PCCA: variants seen among roughly 807,000 people sequenced by gnomAD.
PCCA encodes the protein propionyl-CoA carboxylase alpha chain, mitochondrial.
A neutral mutation model predicts 101.3 loss-of-function variants in PCCA; 74 were observed. That is an observed-to-expected ratio of 0.73 (90% confidence interval 0.61 to 0.89). PCCA has a LOEUF of 0.89. PCCA is among the 40% of genes least tolerant of loss of function. The pLI is 0.00. For synonymous variants in PCCA, 294 were observed against 313.6 expected, an observed-to-expected ratio of 0.94 and a Z score of 0.66; for missense variants, 891 against 907.0, an observed-to-expected ratio of 0.98 and a Z score of 0.23.
rs547209141 is a variant in PCCA, at chr13:100,089,129, G to C, written c.9G>C (p.Gly3=). The C allele has an allele frequency of 1.1e-5, 16 of 1,509,222 alleles. No individual in the cohort carries two copies. In the South Asian group the frequency reaches 1.9e-4, roughly 18 times the overall value. 93.5% of individuals were successfully genotyped at this position (1,509,222 alleles called of 1,614,324 possible). A position where few individuals can be genotyped will look rare whatever the true frequency, so the allele number is the denominator to read the frequency against. MA[G]FWVGTAPLVA... is the part of the protein sequence containing the mutation. ...GGTCTGCGGGGACAACAATGGCGGG[G>C]TTCTGGGTCGGGACAGCACCGCTGG... Residue 3 remains glycine, a synonymous_variant, in exon 1 of 24, where the codon GGG becomes GGC. Transcript: ENST00000376285.
chr13:100,199,184 G>T (rs908078365), intron 6 of PCCA, among the ~76,000 whole-genome samples: 8 of 151,794 alleles, frequency 5.3e-5, no homozygotes, highest in Non-Finnish European at 1.2e-4. Context: ...AGGTCCAGAC[G>T]CAGATGTTTA....
intron 6 of PCCA, among the ~76,000 whole-genome samples, chr13:100,180,736 G>A (rs141733005): frequency 1.7e-3 from 266 of 152,300 alleles, no homozygotes; most frequent in African/African-American, 6.0e-3. Context: ...GTGAGGTTAC[G>A]TTGCACAAAT....
At chr13:100,202,407 A>G (rs1033172016) in intron 6 of PCCA, among the ~76,000 whole-genome samples, 9 of 149,406 alleles carry the variant, frequency 6.0e-5, no homozygotes, top group Admixed American at 2.0e-4. Flanking sequence ...TTATTATTCC[A>G]TTTTCTTTTG....
chr13:100,219,841 T>C (rs1379203967), intron 7 of PCCA, among the ~76,000 whole-genome samples: 1 of 152,236 alleles, frequency 6.6e-6, no homozygotes, highest in African/African-American at 2.4e-5. Flanking sequence ...TCTGCAGGTT[T>C]CTTTATCAAA....
chr13:100,234,566 A>T (rs754344273), intron 7 of PCCA, among the ~76,000 whole-genome samples: 19 of 151,986 alleles, frequency 1.3e-4, no homozygotes, highest in Non-Finnish European at 2.4e-4. Context: ...CTGGCTAATG[A>T]AAGGAAATTA....
chr13:100,447,248 G>T (rs1696710001), intron 20 of PCCA, among the ~76,000 whole-genome samples: 1 of 151,642 alleles, frequency 6.6e-6, no homozygotes, highest in South Asian at 2.1e-4. Flanking sequence ...GCCGGGCATG[G>T]TGGGAGATGC....
At chr13:100,298,728 TTCCTTCCTTCCTTCC>T (rs2065830825) in intron 12 of PCCA, among the ~76,000 whole-genome samples, 1 of 105,086 alleles carries the variant, frequency 9.5e-6, no homozygotes, top group African/African-American at 3.8e-5. Context: ...CCTTCCTTCC[TTCCTTCCTTCCTTCC>T]GTCCTTCCTT....
Position 100,451,446 on chromosome 13 carries a change from C to CGCCTTAAGG in PCCA, c.1899+2145_1899+2153dup, listed in dbSNP as rs138748068. On this transcript the variant is annotated intron_variant, in intron 21 of 23. Coordinates refer to ENST00000376285, the MANE Select transcript of PCCA (RefSeq NM_000282.4). ...GTCAGTCCGTAAGATGGACCTCAGT[C>CGCCTTAAGG]GCCTTAAGGGCCACACAGAGCTGCA... Among the ~76,000 whole-genome samples the CGCCTTAAGG allele has an allele frequency of 1.2e-3, 183 of 152,240 alleles. 1 individual carries two copies. The highest frequency in any genetic ancestry group is 4.3e-3 in the African/African-American group (180 of 41,526).
At chr13:100,308,200 A>C (rs969985858) in intron 15 of PCCA, among the ~76,000 whole-genome samples, 1 of 152,204 alleles carries the variant, frequency 6.6e-6, no homozygotes, top group Non-Finnish European at 1.5e-5. Flanking sequence ...GAAATGATAC[A>C]TCTGTATTGA....
intron 21 of PCCA, among the ~76,000 whole-genome samples, chr13:100,471,859 C>A (rs977848064): frequency 6.6e-6 from 1 of 152,148 alleles, no homozygotes; most frequent in Non-Finnish European, 1.5e-5. Context: ...GAAGGGGACA[C>A]TGGGGCCCAC....
chr13:100,523,983 A>G (rs1164433025), intron 22 of PCCA, among the ~76,000 whole-genome samples: 1 of 152,220 alleles, frequency 6.6e-6, no homozygotes, highest in Non-Finnish European at 1.5e-5. Context: ...TGTGCACCCA[A>G]TTAATGCTTG....
intron 21 of PCCA, among the ~76,000 whole-genome samples, chr13:100,493,170 C>G (rs964577601): frequency 1.3e-5 from 2 of 152,236 alleles, no homozygotes; most frequent in African/African-American, 4.8e-5. Context: ...GCTCCTACAC[C>G]TGCCCCTGCC....
chr13:100,215,707 G>A (rs969935530), intron 7 of PCCA, among the ~76,000 whole-genome samples: 5 of 151,666 alleles, frequency 3.3e-5, no homozygotes, highest in African/African-American at 1.2e-4. Context: ...TCATGATCTC[G>A]GCTCACTGTA....
At chr13:100,316,687 G>A (rs182116582) in intron 16 of PCCA, among the ~76,000 whole-genome samples, 144 of 152,176 alleles carry the variant, frequency 9.5e-4, no homozygotes, top group Non-Finnish European at 1.2e-3. Context: ...TGGCCACACA[G>A]GGAGCTAAAA....
chr13:100,327,235 C>T lies in PCCA; in HGVS notation c.1430-3326C>T, dbSNP rs1336604021. On this transcript the variant is annotated intron_variant, in intron 16 of 23. Coordinates refer to ENST00000376285, the MANE Select transcript of PCCA (RefSeq NM_000282.4). Reference sequence around the variant, plus strand: ...TTTGACATTTACCCTCCCTCTACCCCTTTCCCAGTGTAACCACATGATCTG... The same window carrying T: ...TTTGACATTTACCCTCCCTCTACCCTTTTCCCAGTGTAACCACATGATCTG... Among the ~76,000 whole-genome samples, 3 of 152,176 alleles carry T rather than the reference C, an allele frequency of 2.0e-5. No homozygotes were observed. In the East Asian group the frequency reaches 5.8e-4, roughly 29 times the overall value.
intron 23 of PCCA, among the ~76,000 whole-genome samples, chr13:100,528,867 C>T: frequency 6.6e-6 from 1 of 152,226 alleles, no homozygotes; most frequent in South Asian, 2.1e-4. Context: ...ATCACGACAT[C>T]CATCCATGAT....
At chr13:100,348,106 A>G (rs1392702286) in intron 18 of PCCA, among the ~76,000 whole-genome samples, 1 of 152,144 alleles carries the variant, frequency 6.6e-6, no homozygotes, top group Non-Finnish European at 1.5e-5. Flanking sequence ...AATGGATTCT[A>G]AGAGTCACCC....
chr13:100,382,278 C>T (rs2076272063), intron 19 of PCCA, among the ~76,000 whole-genome samples: 2 of 152,110 alleles, frequency 1.3e-5, no homozygotes, highest in Admixed American at 6.6e-5. Context: ...CCCTGAAGTC[C>T]GGCTGGATTT....
intron 21 of PCCA, among the ~76,000 whole-genome samples, chr13:100,515,011 C>A (rs1380715711): frequency 6.6e-6 from 1 of 152,242 alleles, no homozygotes; most frequent in Non-Finnish European, 1.5e-5. Flanking sequence ...CAACAGCCAT[C>A]TGCTGCCATC....
Sources: gnomAD v4.1 joint callset for allele counts (sites outside exome capture counted in the v4.1 genomes callset) on GRCh38, gnomAD v4.1.1 for gene constraint, MANE v1.5 for transcripts, NCBI Gene and HGNC (gene_info 2026-07-23, HGNC 2026-07-21) for gene names.